The following ICA1 variants were observed in gnomAD, a reference collection of about 807,000 sequenced individuals.
ICA1 encodes the protein 69 kDa islet cell autoantigen.
ICA1 carries 40 observed loss-of-function variants against 71.0 expected under a neutral mutation model. That is an observed-to-expected ratio of 0.56 (90% CI 0.44 to 0.73). The LOEUF is 0.73. ICA1 is among the 30% of genes least tolerant of loss of function. ICA1 has a pLI of 0.00. For synonymous variants in ICA1, 207 were observed against 209.5 expected, an observed-to-expected ratio of 0.99 and a Z score of 0.10; for missense variants, 578 against 576.5, an observed-to-expected ratio of 1.00 and a Z score of -0.03.
chr7:8,203,943 T>A (rs10254793), intron 6 of ICA1, among the ~76,000 whole-genome samples: 1 of 152,120 alleles, frequency 6.6e-6, no homozygotes, highest in Non-Finnish European at 1.5e-5. Flanking sequence ...CCCCAAGGAA[T>A]TCAGGCTCTA....
intron 8 of ICA1, among the ~76,000 whole-genome samples, chr7:8,145,696 T>C (rs972280595): frequency 2.0e-5 from 3 of 149,044 alleles, no homozygotes; most frequent in African/African-American, 7.3e-5. Flanking sequence ...ATGATGATTT[T>C]CATATATTTT....
intron 3 of ICA1, among the ~76,000 whole-genome samples, chr7:8,229,052 G>C (rs1479044942): frequency 1.3e-5 from 2 of 152,010 alleles, no homozygotes; most frequent in Non-Finnish European, 2.9e-5. Flanking sequence ...ACCACTTGCT[G>C]TGGTTTTTTT....
intron 7 of ICA1, chr7:8,158,231 A>G (rs1802430082): frequency 8.7e-6 from 3 of 344,224 alleles, no homozygotes; most frequent in African/African-American, 2.1e-5. Context: ...TCTGTCTCGT[A>G]CATTAAAAAG....
intron 1 of ICA1, among the ~76,000 whole-genome samples, chr7:8,242,767 T>A (rs889592923): frequency 3.9e-5 from 6 of 152,076 alleles, no homozygotes; most frequent in African/African-American, 1.4e-4. Flanking sequence ...CAAACTACCA[T>A]CAGAGAATAC....
chr7:8,136,027 G>A (rs1222029125), intron 12 of ICA1, among the ~76,000 whole-genome samples: 5 of 152,250 alleles, frequency 3.3e-5, no homozygotes, highest in Admixed American at 2.6e-4. Flanking sequence ...CCACTTTCAC[G>A]TGTCTCAAAA....
intron 6 of ICA1, among the ~76,000 whole-genome samples, chr7:8,191,098 G>A (rs981200035): frequency 1.3e-5 from 2 of 152,160 alleles, no homozygotes. Context: ...GCTGTCCATC[G>A]TTCCTGCCCT....
intron 6 of ICA1, among the ~76,000 whole-genome samples, chr7:8,214,101 G>A (rs17145254): frequency 0.17 from 26,061 of 152,112 alleles, 2,280 homozygotes; most frequent in East Asian, 0.27. Flanking sequence ...AAATGCCCAC[G>A]TATACATTTC....
intron 6 of ICA1, among the ~76,000 whole-genome samples, chr7:8,168,428 T>C (rs1380394359): frequency 6.6e-6 from 1 of 152,106 alleles, no homozygotes; most frequent in East Asian, 1.9e-4. Context: ...GACAAATAAA[T>C]ATCAGATCCA....
At chr7:8,209,843 T>C (rs1793015867) in intron 6 of ICA1, among the ~76,000 whole-genome samples, 1 of 151,980 alleles carries the variant, frequency 6.6e-6, no homozygotes, top group Non-Finnish European at 1.5e-5. Context: ...CCTGCAAAGG[T>C]CAGAGTGTGT....
At chr7:8,219,813 G>C (rs1293355976) in intron 5 of ICA1, among the ~76,000 whole-genome samples, 1 of 152,192 alleles carries the variant, frequency 6.6e-6, no homozygotes, top group Non-Finnish European at 1.5e-5. Flanking sequence ...AGAGTCCTCA[G>C]CTATCTCCCT....
At chr7:8,214,866 T>C (rs1240096207) in intron 6 of ICA1, among the ~76,000 whole-genome samples, 1 of 152,228 alleles carries the variant, frequency 6.6e-6, no homozygotes, top group Admixed American at 6.5e-5. Context: ...GAAAATACAC[T>C]TGAACTTGCG....
At chr7:8,146,628 C>G (rs1171933061) in intron 8 of ICA1, among the ~76,000 whole-genome samples, 1 of 151,760 alleles carries the variant, frequency 6.6e-6, no homozygotes, top group Non-Finnish European at 1.5e-5. Flanking sequence ...AGGGCAGTGT[C>G]AGGACAAATG....
intron 13 of ICA1, among the ~76,000 whole-genome samples, chr7:8,120,941 G>A (rs1786676485): frequency 6.6e-6 from 1 of 152,204 alleles, no homozygotes; most frequent in Non-Finnish European, 1.5e-5. Flanking sequence ...GGCTGCCCGT[G>A]AAGGGGAGAG....
At chr7:8,178,996 G>A (rs1371968620) in intron 6 of ICA1, among the ~76,000 whole-genome samples, 1 of 152,156 alleles carries the variant, frequency 6.6e-6, no homozygotes, top group Non-Finnish European at 1.5e-5. Flanking sequence ...TCTCTACAAT[G>A]GAATCTGAGC....
chr7:8,180,498 T>G (rs1205010333), intron 6 of ICA1, among the ~76,000 whole-genome samples: 7 of 152,168 alleles, frequency 4.6e-5, no homozygotes, highest in Non-Finnish European at 7.4e-5. Context: ...TTCTTGTGAA[T>G]GTTTTACATG....
intron 6 of ICA1, among the ~76,000 whole-genome samples, chr7:8,195,909 A>C (rs12702704): frequency 0.69 from 105,609 of 152,092 alleles, 41,866 homozygotes; most frequent in South Asian, 0.89. Flanking sequence ...ACCCAGGAGG[A>C]AGAGGTTGTG....
intron 1 of ICA1, among the ~76,000 whole-genome samples, chr7:8,240,762 G>T (rs368098020): frequency 6.6e-6 from 1 of 152,114 alleles, no homozygotes; most frequent in East Asian, 1.9e-4. Flanking sequence ...ACTACGTGAC[G>T]CATTTACAAG....
At chr7:8,254,424 C>G (rs1809309562) in intron 1 of ICA1, among the ~76,000 whole-genome samples, 1 of 150,636 alleles carries the variant, frequency 6.6e-6, no homozygotes. Flanking sequence ...AGGTCAGCAG[C>G]AAAGGGAAGC....
At chr7:8,185,319 A>C (rs981789270) in intron 6 of ICA1, among the ~76,000 whole-genome samples, 1 of 152,174 alleles carries the variant, frequency 6.6e-6, no homozygotes, top group Middle Eastern at 3.2e-3. Flanking sequence ...CCAAGTGATA[A>C]ATTTAAATAT....
Sources: gnomAD v4.1 joint callset for allele counts (sites outside exome capture counted in the v4.1 genomes callset) on GRCh38, gnomAD v4.1.1 for gene constraint, MANE v1.5 for transcripts, NCBI Gene and HGNC (gene_info 2026-07-23, HGNC 2026-07-21) for gene names.